The following GSDMC variants were observed in gnomAD, a reference collection of about 807,000 sequenced individuals.
The protein encoded by GSDMC is gasdermin-C.
A neutral mutation model predicts 58.0 loss-of-function variants in GSDMC; 59 were observed. The observed-to-expected ratio is 1.02, with a 90% CI of 0.82 to 1.26. GSDMC has a LOEUF of 1.26. GSDMC is among the 50% of genes most tolerant of loss of function. The pLI, the probability that GSDMC is intolerant of heterozygous loss-of-function variation, is 0.00. For missense variants in GSDMC, 659 were observed against 598.5 expected, an observed-to-expected ratio of 1.10 and a Z score of -1.06; for synonymous variants, 241 against 220.2, an observed-to-expected ratio of 1.09 and a Z score of -0.83.
the GSDMC span, among the ~76,000 whole-genome samples, chr8:129,713,918 T>C: frequency 3.0e-4 from 45 of 152,246 alleles, 1 homozygote; most frequent in East Asian, 7.5e-3. Context: ...ATATAACTAA[T>C]GGCCTCGGGT....
At position 129,750,133 on chromosome 8, in the gene GSDMC, G is replaced by C. The variant is rs1586573311; in HGVS notation, c.1084-14C>G. 8.5e-6 allele frequency: 13 copies of C among 1,535,564 alleles called. No individual in the cohort carries two copies. Among genetic ancestry groups the C allele is most frequent in the Non-Finnish European group, 1.1e-5 (13 of 1,143,038 alleles). ...GTCCAATTCCAGCTATAGAAGACAG[G>C]TATTATTGTTAATAATAATACTAAT... On this transcript the variant is annotated splice_polypyrimidine_tract_variant and intron_variant, in intron 11 of 13. Transcript: ENST00000276708.
the GSDMC span, among the ~76,000 whole-genome samples, chr8:129,737,202 A>G: frequency 1.3e-5 from 2 of 152,186 alleles, no homozygotes; most frequent in Admixed American, 6.5e-5. Flanking sequence ...TAGCGTGAAA[A>G]TGGCCATACT....
intron 10 of GSDMC, among the ~76,000 whole-genome samples, chr8:129,750,945 A>C (rs1409674942): frequency 6.6e-6 from 1 of 152,180 alleles, no homozygotes; most frequent in Admixed American, 6.5e-5. Context: ...ATCAGTTTCC[A>C]TATTGGTTAA....
chr8:129,780,180 A>G (rs1563816262), intron 1 of GSDMC, among the ~76,000 whole-genome samples: 2 of 152,222 alleles, frequency 1.3e-5, no homozygotes, highest in Non-Finnish European at 2.9e-5. Context: ...TCTAGGAGTT[A>G]CTGGCCTTAA....
intron 6 of GSDMC, among the ~76,000 whole-genome samples, chr8:129,755,770 G>A (rs2033403608): frequency 6.6e-6 from 1 of 151,918 alleles, no homozygotes; most frequent in African/African-American, 2.4e-5. Context: ...TAGTTCATTT[G>A]TTTATGCAAT....
intron 1 of GSDMC, among the ~76,000 whole-genome samples, chr8:129,785,041 C>T (rs981223022): frequency 3.3e-5 from 5 of 152,006 alleles, no homozygotes; most frequent in African/African-American, 7.3e-5. Context: ...GGAGAAACCC[C>T]GCTCTACTAA....
rs1266700638 is a variant in GSDMC, at chr8:129,766,348, A to G, written c.405-555T>C. ...TGATGTAGTTTCCAGGGATATATGAATGGTTTGAAGTACTGAAGGTAGATT... is the reference window on the plus strand; with the variant it reads ...TGATGTAGTTTCCAGGGATATATGAGTGGTTTGAAGTACTGAAGGTAGATT... On this transcript the variant is annotated intron_variant, in intron 3 of 13. Coordinates refer to ENST00000276708, the MANE Select transcript of GSDMC (RefSeq NM_031415.3). 3.9e-5 allele frequency among the ~76,000 whole-genome samples: 6 copies of G among 152,282 alleles called. No individual in the cohort carries two copies. In the South Asian group the frequency reaches 1.0e-3, roughly 26 times the overall value.
chr8:129,736,750 C>G, the GSDMC span, among the ~76,000 whole-genome samples: 2 of 152,214 alleles, frequency 1.3e-5, no homozygotes, highest in Non-Finnish European at 2.9e-5. Flanking sequence ...TGCCCTCTCT[C>G]ACCACTCCTA....
intron 3 of GSDMC, among the ~76,000 whole-genome samples, chr8:129,772,754 A>G (rs1284929180): frequency 6.6e-6 from 1 of 152,220 alleles, no homozygotes; most frequent in Non-Finnish European, 1.5e-5. Flanking sequence ...AGAATAATTC[A>G]AACTCATTGT....
chr8:129,730,920 G>A, the GSDMC span, among the ~76,000 whole-genome samples: 55 of 152,074 alleles, frequency 3.6e-4, no homozygotes, highest in Non-Finnish European at 5.4e-4. Context: ...AATCTTGGAC[G>A]CTTCTTTACA....
In GSDMC at chr8:129,762,618, G is replaced by T. The variant is rs762977887; in HGVS notation, c.676+8C>A. ...GCCATCTGCCTTGCTGAGCTCCGCTGCTCCCACCTTTCTCCTTGATAACCA... is the reference window on the plus strand; with the variant it reads ...GCCATCTGCCTTGCTGAGCTCCGCTTCTCCCACCTTTCTCCTTGATAACCA... On this transcript the variant is annotated splice_region_variant and intron_variant, in intron 5 of 13. Coordinates refer to ENST00000276708, the MANE Select transcript of GSDMC (RefSeq NM_031415.3). 1 of 1,572,866 alleles carries T rather than the reference G, an allele frequency of 6.4e-7. No homozygotes were observed. The highest frequency in any genetic ancestry group is 1.3e-5 in the African/African-American group (1 of 74,388).
Position 129,774,528 on chromosome 8 carries a change from C to CAA in GSDMC, c.404+1572_404+1573dup, listed in dbSNP as rs34881340. On this transcript the variant is annotated intron_variant, in intron 3 of 13. Coordinates refer to ENST00000276708, the MANE Select transcript of GSDMC (RefSeq NM_031415.3). Reference sequence around the variant, plus strand: ...GATATGACACCAAAAGCAACAGCAGCAAAAAAAAAAAAAGAAAAGAAAAGA... The same window carrying CAA: ...GATATGACACCAAAAGCAACAGCAGCAAAAAAAAAAAAAAAGAAAAGAAAAGA... 5.5e-3 allele frequency among the ~76,000 whole-genome samples: 662 copies of CAA among 119,540 alleles called. 11 individuals carry two copies. Among genetic ancestry groups the CAA allele is most frequent in the African/African-American group, 0.02 (618 of 31,606 alleles). The allele number at this position is 119,540 out of a possible 152,430, so 78.4% of individuals were successfully genotyped here.
At chr8:129,721,376 A>G in the GSDMC span, among the ~76,000 whole-genome samples, 1 of 152,164 alleles carries the variant, frequency 6.6e-6, no homozygotes, top group African/African-American at 2.4e-5. Context: ...AACAGACAGC[A>G]CCATCTTCTT....
At chr8:129,747,968 G>A (rs1166610665), downstream of GSDMC, among the ~76,000 whole-genome samples, 11 of 152,008 alleles carry the variant, frequency 7.2e-5, no homozygotes, top group Non-Finnish European at 1.3e-4. Flanking sequence ...ACACACGTGG[G>A]GGCTAACATT....
At chr8:129,776,716 C>G (rs2034239002) in intron 2 of GSDMC, among the ~76,000 whole-genome samples, 1 of 149,388 alleles carries the variant, frequency 6.7e-6, no homozygotes, top group Non-Finnish European at 1.5e-5. Context: ...AGGGACATAA[C>G]TGTTTTTTTG....
intron 6 of GSDMC, among the ~76,000 whole-genome samples, chr8:129,758,995 G>C (rs2033553104): frequency 1.3e-5 from 2 of 152,210 alleles, no homozygotes; most frequent in Middle Eastern, 3.4e-3. Flanking sequence ...AAAACAACAT[G>C]ATACTGCCAT....
At chr8:129,721,826 G>A in the GSDMC span, among the ~76,000 whole-genome samples, 1 of 152,188 alleles carries the variant, frequency 6.6e-6, no homozygotes, top group Admixed American at 6.5e-5. Context: ...CATGGTTCCA[G>A]CAAACACTCT....
chr8:129,776,421 C>A, intron 2 of GSDMC, 136 bp from the exon 3 acceptor site: 1 of 584,808 alleles, frequency 1.7e-6, no homozygotes. Flanking sequence ...CACTTAAACT[C>A]TGTTGAAAAC....
In GSDMC at chr8:129,757,189, G is replaced by A. The variant is rs959673361; in HGVS notation, c.721+3356C>T. Among the ~76,000 whole-genome samples, 9 of 151,174 alleles carry A rather than the reference G, an allele frequency of 6.0e-5. No homozygotes were observed. In the South Asian group the frequency reaches 1.0e-3, roughly 18 times the overall value. ...CAATAAAAAAAAAAATGGAGAGGAC[G>A]CAAATAAAATCAGAGATGAAAAAGG... On this transcript the variant is annotated intron_variant, in intron 6 of 13. Coordinates refer to ENST00000276708, the MANE Select transcript of GSDMC (RefSeq NM_031415.3).
Sources: allele counts gnomAD v4.1 joint callset (sites outside exome capture counted in the v4.1 genomes callset), GRCh38; gene constraint gnomAD v4.1.1; transcripts MANE v1.5; gene names NCBI Gene and HGNC (gene_info 2026-07-23, HGNC 2026-07-21).